SNX30: variants seen among roughly 807,000 people sequenced by gnomAD.
SNX30 encodes sorting nexin-30.
A neutral mutation model predicts 46.4 loss-of-function variants in SNX30; 24 were observed. That is an observed-to-expected ratio of 0.52 (90% CI 0.37 to 0.73). SNX30 has a LOEUF of 0.73. Among genes scored for constraint, SNX30 ranks in the 30% least tolerant of loss-of-function variants. The pLI is 0.00. For synonymous variants in SNX30, 189 were observed against 211.5 expected (o/e 0.89, Z 0.92); for missense variants, 533 against 555.7 (o/e 0.96, Z 0.41).
intron 2 of SNX30, among the ~76,000 whole-genome samples, chr9:112,809,487 G>A (rs1414258921): frequency 6.6e-6 from 1 of 152,038 alleles, no homozygotes; most frequent in Non-Finnish European, 1.5e-5. Context: ...GCTTGAGGGT[G>A]AGGAAACAGA....
Position 112,869,083 on chromosome 9 carries a change from A to T in SNX30, c.*240A>T. 1.9e-6 allele frequency: 1 copy of T among 536,318 alleles called. No homozygotes were observed. The allele number at this position is 536,318 out of a possible 1,614,324, so 33.2% of individuals were successfully genotyped here. A position where few individuals can be genotyped will look rare whatever the true frequency, so the allele number is the denominator to read the frequency against. ...AAGAGCAGCATACCTCCATGTTGTG[A>T]AGGCATCTGTTCAGTGAAGCACTAC... On this transcript the variant is annotated 3_prime_UTR_variant, in exon 9 of 9. Coordinates refer to ENST00000374232, the MANE Select transcript of SNX30 (RefSeq NM_001012994.2).
chr9:112,763,474 G>A (rs1200746518), intron 1 of SNX30, among the ~76,000 whole-genome samples: 2 of 138,614 alleles, frequency 1.4e-5, no homozygotes, highest in Non-Finnish European at 3.0e-5. Flanking sequence ...CTGCTACCTC[G>A]GCCTCCCAAA....
At chr9:112,848,941 T>A (rs1245090699) in intron 6 of SNX30, among the ~76,000 whole-genome samples, 2 of 152,222 alleles carry the variant, frequency 1.3e-5, no homozygotes, top group African/African-American at 4.8e-5. Flanking sequence ...CACGCTGTGC[T>A]GGCATTGTTC....
At chr9:112,791,645 G>A (rs1189482176) in intron 1 of SNX30, among the ~76,000 whole-genome samples, 1 of 151,836 alleles carries the variant, frequency 6.6e-6, no homozygotes, top group African/African-American at 2.4e-5. Context: ...CTTTGACCTC[G>A]TGATCCACCC....
chr9:112,848,238 G>A (rs1326136464), intron 6 of SNX30, among the ~76,000 whole-genome samples: 2 of 152,052 alleles, frequency 1.3e-5, no homozygotes, highest in Middle Eastern at 3.4e-3. Context: ...TGCAGACGCC[G>A]GCTTGGTCTC....
intron 6 of SNX30, 71 bp downstream of exon 6, chr9:112,838,768 A>T: frequency 2.1e-6 from 3 of 1,446,932 alleles, no homozygotes; most frequent in Non-Finnish European, 2.9e-6. Flanking sequence ...GTAATGGATT[A>T]TTGCCTGTTT....
chr9:112,792,709 A>T (rs1247811887), intron 1 of SNX30, among the ~76,000 whole-genome samples: 1 of 152,196 alleles, frequency 6.6e-6, no homozygotes, highest in African/African-American at 2.4e-5. Context: ...TATAGGTTTG[A>T]GGCCACTACA....
intron 1 of SNX30, among the ~76,000 whole-genome samples, chr9:112,788,873 A>G (rs570385222): frequency 2.7e-4 from 41 of 152,232 alleles, no homozygotes; most frequent in Admixed American, 1.2e-3. Context: ...TCGGCTCACC[A>G]CAGCCTCAAC....
intron 1 of SNX30, among the ~76,000 whole-genome samples, chr9:112,786,361 T>C (rs1839926637): frequency 6.6e-6 from 1 of 152,168 alleles, no homozygotes. Flanking sequence ...ACTCAAGTGA[T>C]CTGCCTGCTG....
At chr9:112,808,114 A>T (rs1159779017) in intron 2 of SNX30, among the ~76,000 whole-genome samples, 1 of 152,148 alleles carries the variant, frequency 6.6e-6, no homozygotes, top group East Asian at 1.9e-4. Context: ...GTATTGACGG[A>T]TATCGTAGGG....
At chr9:112,816,009 A>C (rs368378648) in intron 2 of SNX30, among the ~76,000 whole-genome samples, 6 of 152,114 alleles carry the variant, frequency 3.9e-5, no homozygotes, top group African/African-American at 1.4e-4. Flanking sequence ...CACCTGGCTA[A>C]TTTAAAACTT....
At chr9:112,832,177 C>G (rs1335332972) in intron 4 of SNX30, among the ~76,000 whole-genome samples, 1 of 152,200 alleles carries the variant, frequency 6.6e-6, no homozygotes, top group Non-Finnish European at 1.5e-5. Flanking sequence ...GAGGCTTTCC[C>G]CCCCTACAGG....
chr9:112,788,575 A>G (rs1051395030), intron 1 of SNX30, among the ~76,000 whole-genome samples: 17 of 151,708 alleles, frequency 1.1e-4, no homozygotes, highest in Non-Finnish European at 2.2e-4. Flanking sequence ...CTCCTCACAC[A>G]CCACTCGAGG....
At chr9:112,884,886 A>G (rs894044826), downstream of SNX30, among the ~76,000 whole-genome samples, 1 of 152,162 alleles carries the variant, frequency 6.6e-6, no homozygotes, top group Non-Finnish European at 1.5e-5. Flanking sequence ...GGACTGGATA[A>G]TTTTCAAGCG....
chr9:112,749,760 G>A (rs1839235984), upstream of SNX30, among the ~76,000 whole-genome samples: 1 of 152,218 alleles, frequency 6.6e-6, no homozygotes, highest in Non-Finnish European at 1.5e-5. Context: ...GAATCCCAGA[G>A]TCAACATCTG....
intron 1 of SNX30, among the ~76,000 whole-genome samples, chr9:112,785,060 C>T (rs1839900517): frequency 1.3e-5 from 2 of 152,154 alleles, no homozygotes; most frequent in African/African-American, 4.8e-5. Context: ...CTTAAAACTC[C>T]TGTGTGTTGG....
At position 112,754,264 on chromosome 9, in the gene SNX30, A is replaced by G. The variant is rs553896806; in HGVS notation, c.156+3107A>G. Among the ~76,000 whole-genome samples, 14 of 152,292 alleles carry G rather than the reference A, an allele frequency of 9.2e-5. No individual in the cohort carries two copies. In the South Asian group the frequency reaches 2.9e-3, roughly 32 times the overall value. On this transcript the variant is annotated intron_variant, in intron 1 of 8. Coordinates refer to ENST00000374232, the MANE Select transcript of SNX30 (RefSeq NM_001012994.2). ...CTTGGGTAGAAGAGAAAGACTGAATATGATGGACTCTCCACCAATTTCTCA... is the reference window on the plus strand; with the variant it reads ...CTTGGGTAGAAGAGAAAGACTGAATGTGATGGACTCTCCACCAATTTCTCA...
intron 6 of SNX30, among the ~76,000 whole-genome samples, chr9:112,847,710 G>A (rs1840960867): frequency 6.6e-6 from 1 of 152,050 alleles, no homozygotes; most frequent in African/African-American, 2.4e-5. Context: ...CAGGTTATTA[G>A]GACCACTTGA....
At chr9:112,805,287 C>G (rs544327592) in intron 2 of SNX30, among the ~76,000 whole-genome samples, 48 of 151,880 alleles carry the variant, frequency 3.2e-4, no homozygotes, top group African/African-American at 1.1e-3. Context: ...ATTTATGAAT[C>G]ATTGTATCAA....
Sources: allele counts gnomAD v4.1 joint callset (sites outside exome capture counted in the v4.1 genomes callset), GRCh38; gene constraint gnomAD v4.1.1; transcripts MANE v1.5; gene names NCBI Gene and HGNC (gene_info 2026-07-23, HGNC 2026-07-21).